HBP1: variants seen among roughly 807,000 people sequenced by gnomAD.
HBP1 encodes the protein HMG-box transcription factor 1.
A neutral mutation model predicts 62.6 loss-of-function variants in HBP1; 20 were observed. The observed-to-expected ratio is 0.32, with a 90% CI of 0.22 to 0.46. The LOEUF (loss-of-function observed/expected upper bound fraction) is 0.46, where lower values mean the gene tolerates loss of function less well. HBP1 is among the 20% of genes least tolerant of loss of function. HBP1 has a pLI of 1.00. For missense variants in HBP1, 480 were observed against 611.8 expected (o/e 0.78, Z 2.27); for synonymous variants, 232 against 206.2 (o/e 1.12, Z -1.07).
In HBP1 at chr7:107,200,260, CG is replaced by C; in HGVS notation, c.1487del (p.Arg496LeufsTer2). The C allele has an allele frequency of 1.2e-6, 2 of 1,613,020 alleles. No homozygotes were observed. The highest frequency in any genetic ancestry group is 1.7e-6 in the Non-Finnish European group (2 of 1,179,294). On this transcript the variant is annotated frameshift_variant, in exon 10 of 11. Coordinates refer to ENST00000222574, the MANE Select transcript of HBP1 (RefSeq NM_012257.4). LOFTEE classifies it high-confidence loss of function. The part of the protein sequence containing the change: ...EAKALAEEQK[R>X]LNPDCWKRKR... ...AAAGGCTTTGGCTGAAGAACAGAAACGTTTAAATCCTGACTGTTGGAAGAGG... is the reference window on the plus strand; with the variant it reads ...AAAGGCTTTGGCTGAAGAACAGAAACTTTAAATCCTGACTGTTGGAAGAGG...
intron 6 of HBP1, among the ~76,000 whole-genome samples, chr7:107,187,210 G>A (rs746864076): frequency 6.6e-6 from 1 of 151,962 alleles, no homozygotes; most frequent in Non-Finnish European, 1.5e-5. Context: ...CCAAGATTGC[G>A]CCACTGCACT....
intron 9 of HBP1, among the ~76,000 whole-genome samples, chr7:107,199,490 C>T (rs1324964752): frequency 1.3e-5 from 2 of 152,186 alleles, no homozygotes; most frequent in African/African-American, 4.8e-5. Flanking sequence ...GTTTACTGTT[C>T]GAAGGCACAA....
chr7:107,181,514 T>C (rs1372015178), intron 2 of HBP1, among the ~76,000 whole-genome samples: 1 of 151,964 alleles, frequency 6.6e-6, no homozygotes, highest in Non-Finnish European at 1.5e-5. Context: ...ATTTCGGTTT[T>C]AGTAGACTAT....
At chr7:107,197,914 A>ACTGGC (rs2115998245) in intron 9 of HBP1, among the ~76,000 whole-genome samples, 2 of 152,300 alleles carry the variant, frequency 1.3e-5, no homozygotes, top group Middle Eastern at 3.4e-3. Flanking sequence ...TGAGAAAATG[A>ACTGGC]CTGGCCTTAG....
chr7:107,194,517 C>T (rs1797793460), intron 8 of HBP1, among the ~76,000 whole-genome samples: 1 of 152,112 alleles, frequency 6.6e-6, no homozygotes, highest in Admixed American at 6.5e-5. Flanking sequence ...TTATTTCATG[C>T]AATACTTTCA....
chr7:107,190,104 A>G, intron 7 of HBP1, 69 bp from the exon 8 acceptor site: 2 of 1,095,694 alleles, frequency 1.8e-6, no homozygotes, highest in Non-Finnish European at 1.3e-6. Context: ...TATAGAAATG[A>G]TATGTCTGTT....
At chr7:107,179,239 G>T (rs1336122021) in intron 1 of HBP1, among the ~76,000 whole-genome samples, 1 of 151,646 alleles carries the variant, frequency 6.6e-6, no homozygotes, top group African/African-American at 2.4e-5. Context: ...GTGAAAAAAA[G>T]AGTCCTATTA....
intron 2 of HBP1, among the ~76,000 whole-genome samples, chr7:107,180,686 C>T (rs763925828): frequency 1.2e-4 from 18 of 152,156 alleles, no homozygotes; most frequent in Non-Finnish European, 2.2e-4. Flanking sequence ...GGAGAAGATA[C>T]AGCTGTCTTA....
chr7:107,171,066 TATA>T (rs1380459524), intron 1 of HBP1, among the ~76,000 whole-genome samples: 717 of 57,590 alleles, frequency 0.012, 69 homozygotes, highest in Non-Finnish European at 0.015. Flanking sequence ...TATATATATA[TATA>T]TATATTTTTT....
chr7:107,197,225 C>G (rs976367689), intron 9 of HBP1: 1 of 152,170 alleles, frequency 6.6e-6, no homozygotes, highest in Non-Finnish European at 1.5e-5. Context: ...TTCTTCCAGT[C>G]TTTGTACCCT....
chr7:107,174,800 T>A, intron 1 of HBP1: 4 of 573,592 alleles, frequency 7.0e-6, no homozygotes, highest in Non-Finnish European at 8.8e-6. Flanking sequence ...AGCTCACATC[T>A]GTATGTGAAG....
chr7:107,174,572 A>G (rs1796746125), intron 1 of HBP1: 1 of 985,422 alleles, frequency 1.0e-6, no homozygotes, highest in African/African-American at 1.7e-5. Context: ...TAGGGAAGAA[A>G]AAAGTTCTAG....
At chr7:107,192,428 T>A (rs1422779610) in intron 8 of HBP1, 1 of 152,066 alleles carries the variant, frequency 6.6e-6, no homozygotes, top group African/African-American at 2.4e-5. Context: ...AGTATTTATA[T>A]GTTGTATTTA....
intron 8 of HBP1, among the ~76,000 whole-genome samples, chr7:107,191,257 G>A (rs1248150016): frequency 6.6e-6 from 1 of 152,102 alleles, no homozygotes; most frequent in African/African-American, 2.4e-5. Context: ...CCACATGCTC[G>A]ATAAATGTCT....
chr7:107,176,858 A>T (rs1285986852), intron 1 of HBP1, among the ~76,000 whole-genome samples: 12 of 152,274 alleles, frequency 7.9e-5, no homozygotes, highest in Non-Finnish European at 1.8e-4. Flanking sequence ...GCTAAGACTG[A>T]TTGTGATCAG....
At chr7:107,194,828 A>C (rs1345771224) in intron 8 of HBP1, among the ~76,000 whole-genome samples, 1 of 152,246 alleles carries the variant, frequency 6.6e-6, no homozygotes. Context: ...TGCTGGAACA[A>C]AAGAGAATTC....
At chr7:107,188,200 A>C (rs1272339028) in intron 6 of HBP1, among the ~76,000 whole-genome samples, 1 of 152,160 alleles carries the variant, frequency 6.6e-6, no homozygotes, top group African/African-American at 2.4e-5. Flanking sequence ...GCACATTTCC[A>C]GCTGCATGTT....
chr7:107,186,013 A>G, intron 4 of HBP1, 71 bp downstream of exon 4: 5 of 1,136,404 alleles, frequency 4.4e-6, no homozygotes, highest in Non-Finnish European at 6.6e-6. Flanking sequence ...CATTCCTCAT[A>G]GGAAGTAGTC....
intron 9 of HBP1, chr7:107,197,233 CCT>C (rs763746338): frequency 1.3e-5 from 2 of 152,070 alleles, no homozygotes; most frequent in Non-Finnish European, 2.9e-5. Flanking sequence ...GTCTTTGTAC[CCT>C]GAGGATCAAA....
Sources: gnomAD v4.1 joint callset for allele counts (sites outside exome capture counted in the v4.1 genomes callset) on GRCh38, gnomAD v4.1.1 for gene constraint, MANE v1.5 for transcripts, NCBI Gene and HGNC (gene_info 2026-07-23, HGNC 2026-07-21) for gene names.